The following CYTH3 variants were observed in gnomAD, a reference collection of about 807,000 sequenced individuals.
CYTH3 encodes the protein cytohesin-3.
Under a neutral mutation model 55.1 loss-of-function variants are expected in CYTH3, and 23 were observed. That is an observed-to-expected ratio of 0.42 (90% CI 0.30 to 0.59). The LOEUF is 0.59. CYTH3 is among the 20% of genes least tolerant of loss of function. CYTH3 has a pLI of 0.20. For missense variants in CYTH3, 413 were observed against 524.8 expected, an observed-to-expected ratio of 0.79 and a Z score of 2.08; for synonymous variants, 249 against 194.9, an observed-to-expected ratio of 1.28 and a Z score of -2.31.
chr7:6,173,829 G>A, intron 5 of CYTH3, 96 bp from the exon 6 acceptor site: 1 of 772,950 alleles, frequency 1.3e-6, no homozygotes, highest in Non-Finnish European at 2.3e-6. Flanking sequence ...GAACGTTCAT[G>A]CACAAGTTTC....
At chr7:6,185,848 T>C (rs1337501396) in intron 4 of CYTH3, among the ~76,000 whole-genome samples, 1 of 152,080 alleles carries the variant, frequency 6.6e-6, no homozygotes, top group Admixed American at 6.5e-5. Context: ...ATCTTAGACC[T>C]TGTACAATGG....
intron 1 of CYTH3, among the ~76,000 whole-genome samples, chr7:6,195,584 AGCTGGGAT>A: frequency 6.6e-6 from 1 of 152,228 alleles, no homozygotes; most frequent in South Asian, 2.1e-4. Flanking sequence ...CCTCCCAAGT[AGCTGGGAT>A]TACAGGTGCC....
chr7:6,244,096 T>G (rs1779743822), intron 1 of CYTH3, among the ~76,000 whole-genome samples: 2 of 152,232 alleles, frequency 1.3e-5, no homozygotes, highest in African/African-American at 4.8e-5. Context: ...GCATGTTCTA[T>G]GCAGCCCAAC....
At chr7:6,222,042 A>T (rs1040773895) in intron 1 of CYTH3, among the ~76,000 whole-genome samples, 6 of 152,236 alleles carry the variant, frequency 3.9e-5, no homozygotes, top group Non-Finnish European at 8.8e-5. Flanking sequence ...GTGACCAGAC[A>T]GAAGGACTTA....
At position 6,170,290 on chromosome 7, in the gene CYTH3, T is replaced by G; in HGVS notation, c.823+245A>C. 1 of 504,880 alleles carries G rather than the reference T, an allele frequency of 2.0e-6. No homozygotes were observed. The highest frequency in any genetic ancestry group is 3.5e-6 in the Non-Finnish European group (1 of 286,138). The allele number at this position is 504,880 out of a possible 1,614,324, so 31.3% of individuals were successfully genotyped here. On this transcript the variant is annotated intron_variant, in intron 9 of 12. Transcript: ENST00000350796. The surrounding 1 kb of genome is among the most constrained non-coding windows in gnomAD (Gnocchi z 7.8). The stretch of plus-strand genomic sequence containing the variant: ...CTGGATCTGGATGCTAACTCAGCAG[T>G]TTTCTGGGACGGGCCGTGCAGCCTG...
chr7:6,241,991 G>A (rs2128555573), intron 1 of CYTH3, among the ~76,000 whole-genome samples: 1 of 152,296 alleles, frequency 6.6e-6, no homozygotes, highest in South Asian at 2.1e-4. Context: ...ACAGGGGACA[G>A]AATAGTCTCA....
intron 4 of CYTH3, among the ~76,000 whole-genome samples, chr7:6,185,826 G>T (rs900196986): frequency 6.6e-6 from 1 of 152,104 alleles, no homozygotes; most frequent in Non-Finnish European, 1.5e-5. Flanking sequence ...CTGCACTTAT[G>T]TGAGTTTACA....
chr7:6,269,476 G>A (rs1185721311), intron 1 of CYTH3, among the ~76,000 whole-genome samples: 1 of 152,128 alleles, frequency 6.6e-6, no homozygotes, highest in East Asian at 1.9e-4. Flanking sequence ...GCCAATTATA[G>A]TTAATTCACC....
intron 1 of CYTH3, among the ~76,000 whole-genome samples, chr7:6,200,226 C>G (rs1784028012): frequency 6.6e-6 from 1 of 152,166 alleles, no homozygotes; most frequent in Non-Finnish European, 1.5e-5. Flanking sequence ...CTAACAGATT[C>G]CAATCTACCA....
At chr7:6,243,971 G>T (rs1779740590) in intron 1 of CYTH3, among the ~76,000 whole-genome samples, 1 of 152,208 alleles carries the variant, frequency 6.6e-6, no homozygotes, top group Non-Finnish European at 1.5e-5. Context: ...ACTGTTCAAA[G>T]TAAGTTATAA....
intron 1 of CYTH3, among the ~76,000 whole-genome samples, chr7:6,256,024 A>G (rs1175518069): frequency 6.6e-6 from 1 of 152,026 alleles, no homozygotes; most frequent in Admixed American, 6.6e-5. Context: ...CGGCCTCCCA[A>G]AGTGCTGGGA....
intron 5 of CYTH3, among the ~76,000 whole-genome samples, chr7:6,174,117 T>A (rs1171387717): frequency 7.4e-5 from 11 of 149,618 alleles, no homozygotes. Context: ...TCATTTTATA[T>A]CCTTTTTTTT....
At chr7:6,236,089 T>C (rs892581542) in intron 1 of CYTH3, among the ~76,000 whole-genome samples, 5 of 152,194 alleles carry the variant, frequency 3.3e-5, no homozygotes. Context: ...TTAACTACTC[T>C]AGGATTACAT....
chr7:6,246,942 T>C lies in CYTH3; in HGVS notation c.34+25532A>G, dbSNP rs950450354. On this transcript the variant is annotated intron_variant, in intron 1 of 12. Coordinates refer to ENST00000350796, the MANE Select transcript of CYTH3 (RefSeq NM_004227.4). ...TTGAGTTATTCAAACAATCTTTTAG[T>C]TGGTTAGAATATATCCATGAACAAG... Among the ~76,000 whole-genome samples the C allele has an allele frequency of 3.3e-5, 5 of 152,340 alleles. No homozygotes were observed. In the East Asian group the frequency reaches 9.6e-4, roughly 29 times the overall value.
At chr7:6,215,354 G>A (rs1388978536) in intron 1 of CYTH3, among the ~76,000 whole-genome samples, 1 of 152,184 alleles carries the variant, frequency 6.6e-6, no homozygotes, top group East Asian at 1.9e-4. Flanking sequence ...ACTTTGGGAT[G>A]CCGAGGCGGG....
intron 1 of CYTH3, among the ~76,000 whole-genome samples, chr7:6,259,760 T>A (rs1241186754): frequency 7.7e-5 from 2 of 25,908 alleles, no homozygotes; most frequent in Non-Finnish European, 1.1e-4. Context: ...ATATATATTA[T>A]ATATATATAT....
intron 1 of CYTH3, among the ~76,000 whole-genome samples, chr7:6,255,920 C>T (rs537520952): frequency 3.9e-5 from 6 of 152,020 alleles, no homozygotes; most frequent in South Asian, 2.1e-4. Context: ...CCCGCCACTA[C>T]GCCCAGCTAA....
At chr7:6,244,542 G>T (rs1050356384) in intron 1 of CYTH3, among the ~76,000 whole-genome samples, 1 of 152,180 alleles carries the variant, frequency 6.6e-6, no homozygotes, top group African/African-American at 2.4e-5. Context: ...ATGGCTCACT[G>T]CAGCCTCAAC....
chr7:6,259,611 C>G (rs1170724754), intron 1 of CYTH3, among the ~76,000 whole-genome samples: 1 of 147,752 alleles, frequency 6.8e-6, no homozygotes, highest in African/African-American at 2.5e-5. Flanking sequence ...AATTGGGTAC[C>G]TGACATTAAC....
Sources: allele counts gnomAD v4.1 joint callset (sites outside exome capture counted in the v4.1 genomes callset), GRCh38; gene constraint gnomAD v4.1.1; non-coding constraint Gnocchi (gnomAD v3.1); transcripts MANE v1.5; gene names NCBI Gene and HGNC (gene_info 2026-07-23, HGNC 2026-07-21).